Variants in UNC13C observed in about 807,000 individuals in gnomAD.
UNC13C encodes the protein protein unc-13 homolog C.
In UNC13C, 174 loss-of-function variants were observed where a neutral mutation model predicts 245.4. That is an observed-to-expected ratio of 0.71 (90% confidence interval 0.63 to 0.80). The LOEUF is 0.80. Among genes scored for constraint, UNC13C ranks in the 30% least tolerant of loss-of-function variants. The pLI is 0.00. For missense variants in UNC13C, 2,829 were observed against 2,602.9 expected (o/e 1.09, Z -1.89); for synonymous variants, 992 against 895.1 (o/e 1.11, Z -1.93).
chr15:54,256,148 T>A (rs2036273862), intron 8 of UNC13C, among the ~76,000 whole-genome samples: 1 of 152,178 alleles, frequency 6.6e-6, no homozygotes, highest in Non-Finnish European at 1.5e-5. Context: ...GTGAAAACAG[T>A]TAATAATACT....
chr15:53,999,275 A>G (rs1894776758), intron 1 of UNC13C, among the ~76,000 whole-genome samples: 1 of 150,380 alleles, frequency 6.6e-6, no homozygotes, highest in Non-Finnish European at 1.5e-5. Flanking sequence ...AGATATCTAT[A>G]TATATAAATC....
chr15:54,525,557 T>C lies in UNC13C; in HGVS notation c.5466T>C (p.Ser1822=). 1 of 1,612,016 alleles carries C rather than the reference T, an allele frequency of 6.2e-7. No homozygotes were observed. Among genetic ancestry groups the C allele is most frequent in the Non-Finnish European group, 8.5e-7 (1 of 1,178,994 alleles). Residue 1822 remains serine, a synonymous_variant, in exon 25 of 33, where the codon TCT becomes TCC. Coordinates refer to ENST00000260323, the MANE Select transcript of UNC13C (RefSeq NM_001080534.3). ...TTATGGTCTCTCTGCAGCTAGATTC[T>C]GAAGCTAGTACTATTCTAAAAGAAC... ...FESMGGKELD[S]EASTILKELQ...
chr15:53,988,411 A>C (rs1894239487), intron 1 of UNC13C, among the ~76,000 whole-genome samples: 1 of 151,908 alleles, frequency 6.6e-6, no homozygotes. Flanking sequence ...AAATAACAAA[A>C]TTGTTGTGAG....
intron 2 of UNC13C, among the ~76,000 whole-genome samples, chr15:54,117,235 CTT>C (rs2030317770): frequency 6.6e-6 from 1 of 152,160 alleles, no homozygotes; most frequent in East Asian, 1.9e-4. Context: ...TATCTCTTCA[CTT>C]TTTTGATTGT....
At chr15:54,422,068 C>T (rs1347970780) in intron 19 of UNC13C, among the ~76,000 whole-genome samples, 1 of 151,970 alleles carries the variant, frequency 6.6e-6, no homozygotes, top group Non-Finnish European at 1.5e-5. Context: ...AGAAGTACAA[C>T]CTTCTCACCC....
chr15:54,430,795 G>A (rs1010223097), intron 19 of UNC13C, among the ~76,000 whole-genome samples: 3 of 151,634 alleles, frequency 2.0e-5, no homozygotes, highest in African/African-American at 7.3e-5. Flanking sequence ...GGGAAATGGA[G>A]GTCTTTCATT....
chr15:54,228,291 TC>T (rs2035452821), intron 4 of UNC13C, among the ~76,000 whole-genome samples: 2 of 152,046 alleles, frequency 1.3e-5, no homozygotes, highest in Admixed American at 1.3e-4. Context: ...AGAAATGCTG[TC>T]CAAAAGCCAA....
intron 2 of UNC13C, among the ~76,000 whole-genome samples, chr15:54,125,436 C>T (rs2030973138): frequency 6.6e-6 from 1 of 152,006 alleles, no homozygotes; most frequent in Non-Finnish European, 1.5e-5. Flanking sequence ...GCACTCCAGC[C>T]CGGGCGACAG....
At chr15:53,864,392 T>C in the UNC13C span, among the ~76,000 whole-genome samples, 3 of 152,170 alleles carry the variant, frequency 2.0e-5, no homozygotes, top group Non-Finnish European at 4.4e-5. Context: ...ACCAATACTT[T>C]TTCCTCAGTT....
chr15:54,467,027 A>G (rs1002985881), intron 19 of UNC13C, among the ~76,000 whole-genome samples: 1 of 151,834 alleles, frequency 6.6e-6, no homozygotes, highest in Non-Finnish European at 1.5e-5. Context: ...GTGCATTAAA[A>G]TAAACTGTGA....
chr15:54,074,912 GT>G (rs34389742), intron 2 of UNC13C, among the ~76,000 whole-genome samples: 71,201 of 151,934 alleles, frequency 0.47, 18,627 homozygotes, highest in Non-Finnish European at 0.6. Flanking sequence ...CCAATACTAT[GT>G]TGAATAGAAA....
intron 10 of UNC13C, among the ~76,000 whole-genome samples, chr15:54,292,333 C>T (rs1373137415): frequency 6.6e-6 from 1 of 151,862 alleles, no homozygotes; most frequent in Non-Finnish European, 1.5e-5. Context: ...CTGTCCTGTA[C>T]ATGGTGGGGT....
intron 4 of UNC13C, among the ~76,000 whole-genome samples, chr15:54,198,321 CT>C (rs1669735554): frequency 6.6e-6 from 1 of 152,116 alleles, no homozygotes; most frequent in South Asian, 2.1e-4. Flanking sequence ...CCAGATGCCC[CT>C]AGGGGAAGTT....
intron 30 of UNC13C, among the ~76,000 whole-genome samples, chr15:54,613,511 A>G (rs1448454116): frequency 3.3e-5 from 5 of 151,906 alleles, no homozygotes; most frequent in African/African-American, 4.8e-5. Context: ...GTACAATGAT[A>G]CTCATAATAG....
At chr15:54,061,135 G>A (rs1442375031) in intron 2 of UNC13C, among the ~76,000 whole-genome samples, 1 of 145,042 alleles carries the variant, frequency 6.9e-6, no homozygotes, top group African/African-American at 2.6e-5. Flanking sequence ...AAAAAAAAAG[G>A]AATCTAAATT....
At chr15:54,318,627 C>T (rs905416236) in intron 13 of UNC13C, among the ~76,000 whole-genome samples, 1 of 151,850 alleles carries the variant, frequency 6.6e-6, no homozygotes, top group Non-Finnish European at 1.5e-5. Context: ...TGGGTATTAA[C>T]ACCTTATCAG....
chr15:54,128,882 A>T (rs2031231520), intron 2 of UNC13C, among the ~76,000 whole-genome samples: 1 of 152,148 alleles, frequency 6.6e-6, no homozygotes, highest in Admixed American at 6.5e-5. Flanking sequence ...CTTAGTACTG[A>T]GAAGTGGTCA....
chr15:54,085,503 T>A (rs1051879398), intron 2 of UNC13C, among the ~76,000 whole-genome samples: 2 of 152,204 alleles, frequency 1.3e-5, no homozygotes, highest in African/African-American at 4.8e-5. Context: ...GGAGACTCTG[T>A]ATTGTCAGTG....
chr15:54,427,899 A>G (rs551228873), intron 19 of UNC13C, among the ~76,000 whole-genome samples: 2 of 151,898 alleles, frequency 1.3e-5, no homozygotes, highest in East Asian at 2.0e-4. Context: ...GTGGCTAAGT[A>G]TATAATTCTT....
Sources: gnomAD v4.1 joint callset for allele counts (sites outside exome capture counted in the v4.1 genomes callset) on GRCh38, gnomAD v4.1.1 for gene constraint, MANE v1.5 for transcripts, NCBI Gene and HGNC (gene_info 2026-07-23, HGNC 2026-07-21) for gene names.